Variants in RBM48 observed in about 807,000 individuals in gnomAD.
RBM48 encodes the protein RNA-binding protein 48.
Under a neutral mutation model 34.8 loss-of-function variants are expected in RBM48, and 32 were observed. The observed-to-expected ratio is 0.92, with a 90% CI of 0.69 to 1.23. The LOEUF (loss-of-function observed/expected upper bound fraction) is 1.23, where lower values mean the gene tolerates loss of function less well. RBM48 is among the 50% of genes most tolerant of loss of function. The pLI, the probability that RBM48 is intolerant of heterozygous loss-of-function variation, is 0.00. For synonymous variants in RBM48, 151 were observed against 156.2 expected (o/e 0.97, Z 0.25); for missense variants, 441 against 447.2 (o/e 0.99, Z 0.12).
Position 92,534,990 on chromosome 7 carries a change from ACTATT to A in RBM48, c.1017+24_1017+28del, listed in dbSNP as rs1793675811. On this transcript the variant is annotated intron_variant, in intron 4 of 4. Transcript: ENST00000265732. ...AAAGAGGTAAGGTTATTTTTAAAAA[ACTATT>A]CTAAGACACGATTTGGTTATAGGAT... The A allele has an allele frequency of 2.5e-6, 4 of 1,612,950 alleles. No homozygotes were observed. Among genetic ancestry groups the A allele is most frequent in the Middle Eastern group, 1.7e-4 (1 of 6,058 alleles).
Position 92,529,504 on chromosome 7 carries a change from A to T in RBM48, c.140A>T (p.Tyr47Phe). ...KVYTINLESQYLLIQGVPAVG... is the reference protein window; with the variant it reads ...KVYTINLESQFLLIQGVPAVG... ...TATACAATCAATTTGGAATCTCAGTACTTATTAATACAAGGAGTTCCTGCT... is the reference window on the plus strand; with the variant it reads ...TATACAATCAATTTGGAATCTCAGTTCTTATTAATACAAGGAGTTCCTGCT... Residue 47 changes from tyrosine (Y) to phenylalanine (F), a missense_variant, in exon 2 of 5, where the codon TAC becomes TTC. Coordinates refer to ENST00000265732, the MANE Select transcript of RBM48 (RefSeq NM_032120.4). 1 of 1,606,606 alleles carries T rather than the reference A, an allele frequency of 6.2e-7. No homozygotes were observed. Among genetic ancestry groups the T allele is most frequent in the East Asian group, 2.2e-5 (1 of 44,832 alleles).
rs556053685 is a variant in RBM48, at chr7:92,539,418, T to G, written c.*2481T>G. 9.8e-5 allele frequency among the ~76,000 whole-genome samples: 15 copies of G among 152,318 alleles called. No homozygotes were observed. Among genetic ancestry groups the G allele is most frequent in the African/African-American group, 3.6e-4 (15 of 41,580 alleles). ...TTTACAAAATTTCCATATAGGTTAT[T>G]ATTTTGGGCACAGTGGCTCATGCCT... On this transcript the variant is annotated 3_prime_UTR_variant, in exon 5 of 5. Coordinates refer to ENST00000265732, the MANE Select transcript of RBM48 (RefSeq NM_032120.4).
chr7:92,529,549 T>G lies in RBM48; in HGVS notation c.185T>G (p.Leu62Ter). 2 of 1,611,362 alleles carry G rather than the reference T, an allele frequency of 1.2e-6. No individual in the cohort carries two copies. Among genetic ancestry groups the G allele is most frequent in the Non-Finnish European group, 1.7e-6 (2 of 1,177,610 alleles). ...GVPAVGVMKE[L>*]VERFALYGAI... ...CCTGCTGTGGGAGTCATGAAGGAAT[T>G]AGTTGAGCGATTCGCTTTATATGGT... is the stretch of plus-strand genomic sequence containing the variant. Residue 62 changes from leucine to a stop codon, truncating the protein, a stop_gained, in exon 2 of 5, where the codon TTA (leucine) becomes TGA (stop). Transcript: ENST00000265732. LOFTEE classifies it high-confidence loss of function.
chr7:92,530,635 C>G (rs1357902094), intron 2 of RBM48, among the ~76,000 whole-genome samples: 1 of 151,656 alleles, frequency 6.6e-6, no homozygotes, highest in Non-Finnish European at 1.5e-5. Context: ...AACCCTCACT[C>G]TACTAAATAC....
chr7:92,535,998 G>C (rs1003576446), intron 4 of RBM48: 3 of 368,702 alleles, frequency 8.1e-6, no homozygotes, highest in African/African-American at 2.2e-5. Context: ...TTAGCCAGGC[G>C]TGGTGGTGAA....
rs754917013 is a variant in RBM48, at chr7:92,538,838, C to T, written c.*1901C>T. Among the ~76,000 whole-genome samples the T allele has an allele frequency of 2.0e-5, 3 of 152,062 alleles. No individual in the cohort carries two copies. Among genetic ancestry groups the T allele is most frequent in the Non-Finnish European group, 4.4e-5 (3 of 68,024 alleles). On this transcript the variant is annotated 3_prime_UTR_variant, in exon 5 of 5. Coordinates refer to ENST00000265732, the MANE Select transcript of RBM48 (RefSeq NM_032120.4). Reference sequence around the variant, plus strand: ...TTCTAGAGATCTGTTGCATGACAAACGTTACCTGACAGTTAAGGAGAGGAG... The same window carrying T: ...TTCTAGAGATCTGTTGCATGACAAATGTTACCTGACAGTTAAGGAGAGGAG...
chr7:92,536,953 T>C lies in RBM48; in HGVS notation c.*16T>C, dbSNP rs762369483. On this transcript the variant is annotated 3_prime_UTR_variant, in exon 5 of 5. Transcript: ENST00000265732. ...AAGAATATAGAGTGCCAGCAGCAAC[T>C]TAGTATTTTCTAAAAAGAACATTTA... The C allele has an allele frequency of 2.0e-6, 3 of 1,526,146 alleles. No homozygotes were observed. Among genetic ancestry groups the C allele is most frequent in the Non-Finnish European group, 2.7e-6 (3 of 1,131,146 alleles). 94.5% of individuals were successfully genotyped at this position (1,526,146 alleles called of 1,614,324 possible).
At chr7:92,533,368 G>A (rs934290245) in intron 3 of RBM48, among the ~76,000 whole-genome samples, 1 of 152,214 alleles carries the variant, frequency 6.6e-6, no homozygotes, top group Non-Finnish European at 1.5e-5. Flanking sequence ...TCTGGGTGAG[G>A]AAACTAAGTC....
In RBM48 at chr7:92,534,410, G is replaced by T. The variant is rs182459371; in HGVS notation, c.457G>T (p.Val153Leu). 6.2e-7 allele frequency: 1 copy of T among 1,609,268 alleles called. No homozygotes were observed. The highest frequency in any genetic ancestry group is 1.7e-5 in the Admixed American group (1 of 59,260). ...VKTTENKDHYVTKKKLVTEHK... is the reference protein window; with the variant it reads ...VKTTENKDHYLTKKKLVTEHK... ...TAAATTGTAATATAAAGACCATTAC[G>T]TGACAAAGAAGAAATTGGTTACAGA... is the stretch of plus-strand genomic sequence containing the variant. The change falls in exon 4 of 5, where the codon GTG becomes TTG. Residue 153 changes from valine (V) to leucine (L), a missense_variant. Coordinates refer to ENST00000265732, the MANE Select transcript of RBM48 (RefSeq NM_032120.4).
rs1391309577 is a variant in RBM48 at position 92,534,408 on chromosome 7, A to T, written c.455A>T (p.Tyr152Phe). Residue 152 changes from tyrosine (Y) to phenylalanine (F), a missense_variant, in exon 4 of 5, where the codon TAC becomes TTC. Tyr to Phe is a conservative substitution (Grantham distance 22). Coordinates refer to ENST00000265732, the MANE Select transcript of RBM48 (RefSeq NM_032120.4). ...VVKTTENKDH[Y>F]VTKKKLVTEH... ...TTTAAATTGTAATATAAAGACCATT[A>T]CGTGACAAAGAAGAAATTGGTTACA... is the stretch of plus-strand genomic sequence containing the variant. 3 of 1,609,100 alleles carry T rather than the reference A, an allele frequency of 1.9e-6. No homozygotes were observed. In the African/African-American group the frequency reaches 4.0e-5, roughly 22 times the overall value.
chr7:92,535,317 C>A, intron 4 of RBM48: 1 of 1,172,980 alleles, frequency 8.5e-7, no homozygotes, highest in Non-Finnish European at 1.1e-6. Flanking sequence ...AGTTGAGAAG[C>A]AAAAGTATTG....
chr7:92,534,372 T>G (rs758364325), intron 3 of RBM48, 30 bp from the exon 4 acceptor site: 1 of 1,584,210 alleles, frequency 6.3e-7, no homozygotes, highest in South Asian at 1.2e-5. Flanking sequence ...CTGTTTCCCT[T>G]TCCCTCAACT....
chr7:92,535,130 C>T, intron 4 of RBM48, 160 bp downstream of exon 4: 1 of 1,450,252 alleles, frequency 6.9e-7, no homozygotes, highest in South Asian at 1.5e-5. Flanking sequence ...ATTTGGCTAA[C>T]ATTTTATTTG....
intron 3 of RBM48, among the ~76,000 whole-genome samples, 159 bp downstream of exon 3, chr7:92,532,708 G>A (rs566204646): frequency 6.6e-6 from 1 of 152,276 alleles, no homozygotes; most frequent in African/African-American, 2.4e-5. Context: ...TACATAATCT[G>A]GGTTGAGAAG....
chr7:92,534,835 T>C lies in RBM48; in HGVS notation c.882T>C (p.Leu294=), dbSNP rs373398151. 1 of 1,614,094 alleles carries C rather than the reference T, an allele frequency of 6.2e-7. No homozygotes were observed. Among genetic ancestry groups the C allele is most frequent in the Non-Finnish European group, 8.5e-7 (1 of 1,180,040 alleles). The change falls in exon 4 of 5, where the codon CTT becomes CTC. Residue 294 remains leucine, a synonymous_variant. Transcript: ENST00000265732. ...GAAGAAGAGAAGATGATCGTAAACT[T>C]GGAACTTTTCTTCAAACAAACCCAA... is the stretch of plus-strand genomic sequence containing the variant. ...RKRRREDDRK[L]GTFLQTNPTG...
chr7:92,531,478 A>G (rs547416168), intron 2 of RBM48, among the ~76,000 whole-genome samples: 1 of 152,190 alleles, frequency 6.6e-6, no homozygotes, highest in South Asian at 2.1e-4. Context: ...TACAATTCAT[A>G]TTTTCTTTCT....
At chr7:92,528,953 C>A in intron 1 of RBM48, 29 bp downstream of exon 1, 3 of 1,521,552 alleles carry the variant, frequency 2.0e-6, no homozygotes, top group Non-Finnish European at 2.7e-6. Context: ...CATTCGCTCT[C>A]CTCGGTAGCT....
Position 92,534,972 on chromosome 7 carries a change from T to C in RBM48, c.1017+2T>C. 1.2e-6 allele frequency: 2 copies of C among 1,613,856 alleles called. No individual in the cohort carries two copies. Among genetic ancestry groups the C allele is most frequent in the Non-Finnish European group, 1.7e-6 (2 of 1,179,890 alleles). ...TTAATTCGGCATAAACTTAAAGAGG[T>C]AAGGTTATTTTTAAAAAACTATTCT... is the stretch of plus-strand genomic sequence containing the variant. On this transcript the variant is annotated splice_donor_variant, in intron 4 of 4. Coordinates refer to ENST00000265732, the MANE Select transcript of RBM48 (RefSeq NM_032120.4). LOFTEE classifies it high-confidence loss of function.
At chr7:92,532,283 T>C (rs929189499) in intron 2 of RBM48, 121 bp from the exon 3 acceptor site, 2 of 769,648 alleles carry the variant, frequency 2.6e-6, no homozygotes, top group South Asian at 3.5e-5. Context: ...ATCCACAGGA[T>C]ATATATACAC....
Sources: gnomAD v4.1 joint callset for allele counts (sites outside exome capture counted in the v4.1 genomes callset) on GRCh38, gnomAD v4.1.1 for gene constraint, MANE v1.5 for transcripts, NCBI Gene and HGNC (gene_info 2026-07-23, HGNC 2026-07-21) for gene names.